Variants in IQSEC1 observed in about 807,000 individuals in gnomAD.
The protein encoded by IQSEC1 is IQ motif and SEC7 domain-containing protein 1.
Under a neutral mutation model 91.0 loss-of-function variants are expected in IQSEC1, and 31 were observed. The observed-to-expected ratio is 0.34, with a 90% CI of 0.26 to 0.46. The LOEUF is 0.46. Among genes scored for constraint, IQSEC1 ranks in the 20% least tolerant of loss-of-function variants. The pLI is 1.00. For synonymous variants in IQSEC1, 699 were observed against 662.6 expected (o/e 1.05, Z -0.84); for missense variants, 1,388 against 1,575.6 (o/e 0.88, Z 2.02).
At chr3:13,018,602 G>A (rs1459997432) in intron 1 of IQSEC1, among the ~76,000 whole-genome samples, 4 of 152,210 alleles carry the variant, frequency 2.6e-5, no homozygotes, top group Non-Finnish European at 1.5e-5. Context: ...GTCTGCCAGG[G>A]GCCCAGAGGT....
intron 1 of IQSEC1, among the ~76,000 whole-genome samples, chr3:13,165,424 A>G (rs544152918): frequency 4.0e-5 from 6 of 149,978 alleles, no homozygotes; most frequent in African/African-American, 1.5e-4. Context: ...TGATGGGGAG[A>G]GGAGATCCCA....
intron 1 of IQSEC1, among the ~76,000 whole-genome samples, chr3:13,170,099 A>G (rs1198902679): frequency 6.6e-6 from 1 of 152,256 alleles, no homozygotes; most frequent in Non-Finnish European, 1.5e-5. Context: ...TTTGTGGGCC[A>G]GGCCCAGGGT....
intron 1 of IQSEC1, among the ~76,000 whole-genome samples, chr3:13,200,293 C>T (rs572417557): frequency 1.6e-4 from 25 of 152,154 alleles, no homozygotes; most frequent in African/African-American, 5.3e-4. Flanking sequence ...ACTCCCCCCC[C>T]TTATCATTTA....
intron 2 of IQSEC1, among the ~76,000 whole-genome samples, chr3:13,110,028 G>A (rs1706216901): frequency 6.6e-6 from 1 of 151,134 alleles, no homozygotes; most frequent in Non-Finnish European, 1.5e-5. Flanking sequence ...GATTACAGAT[G>A]GGCACCACCA....
intron 1 of IQSEC1, among the ~76,000 whole-genome samples, chr3:12,982,908 C>A (rs1701538272): frequency 6.6e-6 from 1 of 152,264 alleles, no homozygotes; most frequent in Non-Finnish European, 1.5e-5. Context: ...CCAAACGTTC[C>A]CAGCTTGCAA....
At chr3:12,989,811 G>C (rs901133355) in intron 1 of IQSEC1, among the ~76,000 whole-genome samples, 1 of 152,208 alleles carries the variant, frequency 6.6e-6, no homozygotes, top group African/African-American at 2.4e-5. Context: ...AGCCTGGGTA[G>C]GGATTAGGTC....
intron 2 of IQSEC1, among the ~76,000 whole-genome samples, chr3:13,104,092 A>T (rs906962791): frequency 2.6e-5 from 4 of 152,060 alleles, no homozygotes. Context: ...TGTTGCTACT[A>T]ATCGCCCCAC....
chr3:13,084,116 T>C (rs1705695423), intron 2 of IQSEC1, among the ~76,000 whole-genome samples: 1 of 151,990 alleles, frequency 6.6e-6, no homozygotes, highest in African/African-American at 2.4e-5. Flanking sequence ...GGGTGGAAGG[T>C]AGAAAAAGAA....
chr3:12,922,017 T>C lies in IQSEC1; in HGVS notation c.1853+103A>G. ...CAACATTCAGGGACACCTGGCCCTGTCTAGGGATGGTGGGGATGCAGTCTT... is the reference window on the plus strand; with the variant it reads ...CAACATTCAGGGACACCTGGCCCTGCCTAGGGATGGTGGGGATGCAGTCTT... On this transcript the variant is annotated intron_variant, in intron 5 of 13. Coordinates refer to ENST00000613206, the MANE Select transcript of IQSEC1 (RefSeq NM_001134382.3). The surrounding 1 kb of genome is among the most constrained non-coding windows in gnomAD (Gnocchi z 5.1). 1 of 1,393,750 alleles carries C rather than the reference T, an allele frequency of 7.2e-7. No homozygotes were observed. The highest frequency in any genetic ancestry group is 1.5e-5 in the South Asian group (1 of 68,060). The allele number at this position is 1,393,750 out of a possible 1,614,324, so 86.3% of individuals were successfully genotyped here.
intron 1 of IQSEC1, among the ~76,000 whole-genome samples, chr3:13,170,236 T>C (rs1456312734): frequency 6.6e-6 from 1 of 152,260 alleles, no homozygotes; most frequent in Non-Finnish European, 1.5e-5. Flanking sequence ...CTGTGGCAGC[T>C]TCCATGTGGC....
chr3:13,018,095 G>A (rs1208369162), intron 1 of IQSEC1, among the ~76,000 whole-genome samples: 2 of 152,174 alleles, frequency 1.3e-5, no homozygotes, highest in East Asian at 3.9e-4. Context: ...GTGGGTGGGT[G>A]GCAGCGAGCA....
intron 1 of IQSEC1, among the ~76,000 whole-genome samples, chr3:13,047,270 G>GA (rs1704532314): frequency 6.6e-6 from 1 of 152,178 alleles, no homozygotes; most frequent in South Asian, 2.1e-4. Flanking sequence ...TCTTTGGGGG[G>GA]ACCTTGATTT....
At chr3:13,212,332 AC>A (rs1177303784) in intron 1 of IQSEC1, among the ~76,000 whole-genome samples, 2 of 152,236 alleles carry the variant, frequency 1.3e-5, no homozygotes, top group Non-Finnish European at 2.9e-5. Context: ...TTTAGGGCTC[AC>A]CCATGTTGTA....
chr3:13,225,630 G>T (rs1694739745), intron 1 of IQSEC1, among the ~76,000 whole-genome samples: 1 of 152,144 alleles, frequency 6.6e-6, no homozygotes, highest in South Asian at 2.1e-4. Flanking sequence ...AGAAAATAAA[G>T]AATAGATCCC....
rs112927892 is a variant in IQSEC1 at position 13,025,491 on chromosome 3, C to T, written c.23+47501G>A. 1.4e-3 allele frequency among the ~76,000 whole-genome samples: 218 copies of T among 152,272 alleles called. 1 individual carries two copies. Among genetic ancestry groups the T allele is most frequent in the African/African-American group, 5.0e-3 (206 of 41,556 alleles). On this transcript the variant is annotated intron_variant, in intron 1 of 13. Coordinates refer to ENST00000613206, the MANE Select transcript of IQSEC1 (RefSeq NM_001134382.3). ...AGGGACAGTGTTGAAGGGGACCCTG[C>T]TTGGGGAAATGAGGACTGGAAGGGG...
At chr3:13,164,630 C>A (rs1203241256) in intron 1 of IQSEC1, among the ~76,000 whole-genome samples, 1 of 152,190 alleles carries the variant, frequency 6.6e-6, no homozygotes, top group East Asian at 1.9e-4. Flanking sequence ...TCAATTACAA[C>A]CATATTACAA....
chr3:13,240,196 T>C (rs1404335727), intron 1 of IQSEC1, among the ~76,000 whole-genome samples: 1 of 151,900 alleles, frequency 6.6e-6, no homozygotes, highest in Admixed American at 6.6e-5. Context: ...CTGGGCAACA[T>C]AGCAGGACCC....
chr3:13,162,189 C>G (rs895814288), intron 2 of IQSEC1, among the ~76,000 whole-genome samples: 1 of 152,328 alleles, frequency 6.6e-6, no homozygotes, highest in South Asian at 2.1e-4. Context: ...CGTAAGGGAC[C>G]CGCTGCCCAC....
chr3:13,200,251 AACACACAC>A, intron 1 of IQSEC1, among the ~76,000 whole-genome samples: 1 of 147,294 alleles, frequency 6.8e-6, no homozygotes, highest in East Asian at 2.0e-4. Flanking sequence ...ACCCACATAC[AACACACAC>A]ACACACACAC....
Sources: gnomAD v4.1 joint callset for allele counts (sites outside exome capture counted in the v4.1 genomes callset) on GRCh38, gnomAD v4.1.1 for gene constraint, Gnocchi (gnomAD v3.1) non-coding constraint, MANE v1.5 for transcripts, NCBI Gene and HGNC (gene_info 2026-07-23, HGNC 2026-07-21) for gene names.